The following KLRG2 variants were observed in gnomAD, a reference collection of about 807,000 sequenced individuals.
KLRG2 encodes killer cell lectin-like receptor subfamily G member 2.
Under a neutral mutation model 35.4 loss-of-function variants are expected in KLRG2, and 39 were observed. The ratio of observed to expected loss-of-function variants is 1.10; its 90% CI spans 0.85 to 1.44. The LOEUF (loss-of-function observed/expected upper bound fraction) is 1.44. KLRG2 is among the 40% of genes most tolerant of loss of function. KLRG2 has a pLI of 0.00. For synonymous variants in KLRG2, 283 were observed against 265.8 expected, an observed-to-expected ratio of 1.06 and a Z score of -0.63; for missense variants, 632 against 570.9, an observed-to-expected ratio of 1.11 and a Z score of -1.09.
rs531366438 is a variant in KLRG2, at chr7:139,464,638, C to T, written c.1006-10424G>A. Reference sequence around the variant, plus strand: ...CTAGCTCTCCCTAACTCATCCCAACCTTTTTCATTATACACAGCCAAAGTG... The same window carrying T: ...CTAGCTCTCCCTAACTCATCCCAACTTTTTTCATTATACACAGCCAAAGTG... On this transcript the variant is annotated intron_variant, in intron 3 of 4. Coordinates refer to ENST00000340940, the MANE Select transcript of KLRG2 (RefSeq NM_198508.4). 1.8e-4 allele frequency among the ~76,000 whole-genome samples: 27 copies of T among 152,310 alleles called. No individual in the cohort carries two copies. In the South Asian group the frequency reaches 5.6e-3, roughly 32 times the overall value.
chr7:139,441,529 T>C, the KLRG2 span, among the ~76,000 whole-genome samples: 3,440 of 152,094 alleles, frequency 0.023, 125 homozygotes, highest in African/African-American at 0.079. Context: ...TAAAAGTTGA[T>C]GGGTGCAACA....
chr7:139,454,202 T>A lies in KLRG2; in HGVS notation c.1018A>T (p.Arg340Ter). The A allele has an allele frequency of 4.6e-6, 7 of 1,530,664 alleles. No individual in the cohort carries two copies. Among genetic ancestry groups the A allele is most frequent in the Non-Finnish European group, 5.3e-6 (6 of 1,129,390 alleles). The allele number at this position is 1,530,664 out of a possible 1,614,324, so 94.8% of individuals were successfully genotyped here. A position where few individuals can be genotyped will look rare whatever the true frequency, so the allele number is the denominator to read the frequency against. ...LLSHTQDFLG[R>*]YPVSRHSWVG... ...CAGGAGTGCCTGGAGACTGGGTATCTGCCCAGGAAGTCCTGAGGGAGAAAA... is the reference window on the plus strand; with the variant it reads ...CAGGAGTGCCTGGAGACTGGGTATCAGCCCAGGAAGTCCTGAGGGAGAAAA... Residue 340 changes from arginine (R) to a stop codon, truncating the protein, a stop_gained, in exon 4 of 5, where the codon AGA becomes TGA. Transcript: ENST00000340940. LOFTEE classifies it high-confidence loss of function.
At chr7:139,475,568 G>C (rs1449299944) in intron 3 of KLRG2, among the ~76,000 whole-genome samples, 2 of 151,776 alleles carry the variant, frequency 1.3e-5, no homozygotes, top group East Asian at 1.9e-4. Flanking sequence ...TGCTGGGGGG[G>C]TGGCGGCACA....
At chr7:139,482,326 T>C (rs1381297591) in intron 1 of KLRG2, among the ~76,000 whole-genome samples, 1 of 152,168 alleles carries the variant, frequency 6.6e-6, no homozygotes, top group Non-Finnish European at 1.5e-5. Flanking sequence ...TCAAAGGTGC[T>C]GCGCATGCTA....
At chr7:139,471,769 G>A (rs1796760767) in intron 3 of KLRG2, among the ~76,000 whole-genome samples, 1 of 152,232 alleles carries the variant, frequency 6.6e-6, no homozygotes, top group Admixed American at 6.5e-5. Context: ...GGCACTGCAG[G>A]CAGCTGGCAG....
chr7:139,447,403 T>G, the KLRG2 span, among the ~76,000 whole-genome samples: 2 of 66,696 alleles, frequency 3.0e-5, no homozygotes. Flanking sequence ...TGGGTCATTC[T>G]TTTTTTTTTT....
intron 3 of KLRG2, among the ~76,000 whole-genome samples, chr7:139,475,333 C>T (rs1256614964): frequency 6.6e-6 from 1 of 152,050 alleles, no homozygotes; most frequent in Non-Finnish European, 1.5e-5. Context: ...AGATCGAGAC[C>T]ATCCTGGCTA....
downstream of KLRG2, among the ~76,000 whole-genome samples, chr7:139,449,105 CA>C (rs538184692): frequency 6.8e-4 from 89 of 130,290 alleles, no homozygotes; most frequent in Admixed American, 7.8e-4. Flanking sequence ...CACTCCGTCT[CA>C]AAAAAAAAAA....
the KLRG2 span, among the ~76,000 whole-genome samples, chr7:139,447,202 T>C: frequency 6.6e-6 from 1 of 152,190 alleles, no homozygotes; most frequent in Non-Finnish European, 1.5e-5. Context: ...TAAATAGTCA[T>C]GTGTCGCTTA....
At chr7:139,473,626 A>G (rs1006777939) in intron 3 of KLRG2, among the ~76,000 whole-genome samples, 2 of 152,232 alleles carry the variant, frequency 1.3e-5, no homozygotes, top group Non-Finnish European at 2.9e-5. Flanking sequence ...ATCAGAGCTA[A>G]TGCAGGGAGC....
At chr7:139,465,285 C>T (rs1352254922) in intron 3 of KLRG2, among the ~76,000 whole-genome samples, 1 of 152,188 alleles carries the variant, frequency 6.6e-6, no homozygotes, top group Non-Finnish European at 1.5e-5. Context: ...CCTTCCATAT[C>T]CTGCACCACC....
In KLRG2 at chr7:139,480,195, C is replaced by G. The variant is rs770375516; in HGVS notation, c.810G>C (p.Val270=). The G allele has an allele frequency of 6.2e-7, 1 of 1,613,848 alleles. No individual in the cohort carries two copies. The highest frequency in any genetic ancestry group is 8.5e-7 in the Non-Finnish European group (1 of 1,179,860). ...SLYWALAFMA[V]LLAVSGVVIV... is the part of the protein sequence containing the mutation. ...TGACAACCCCAGAGACTGCCAGGAG[C>G]ACAGCCATGAACGCCAGGGCCCAGT... Residue 270 remains valine, a synonymous_variant, in exon 2 of 5, where the codon GTG becomes GTC. Transcript: ENST00000340940.
At chr7:139,478,850 C>T (rs548325239) in intron 3 of KLRG2, among the ~76,000 whole-genome samples, 140 of 152,208 alleles carry the variant, frequency 9.2e-4, no homozygotes, top group African/African-American at 3.3e-3. Context: ...CAAACCAAGC[C>T]CTGGCAATCT....
intron 3 of KLRG2, among the ~76,000 whole-genome samples, chr7:139,458,302 C>T (rs1031933864): frequency 2.0e-5 from 3 of 151,774 alleles, no homozygotes; most frequent in African/African-American, 7.3e-5. Flanking sequence ...GGCTTGACCC[C>T]GGGAGGTCGA....
intron 3 of KLRG2, among the ~76,000 whole-genome samples, chr7:139,469,193 G>A (rs1217396733): frequency 6.6e-6 from 1 of 152,148 alleles, no homozygotes; most frequent in African/African-American, 2.4e-5. Context: ...ATAGGGTCTC[G>A]CTGTCACCCA....
At chr7:139,471,783 A>G (rs1029786779) in intron 3 of KLRG2, among the ~76,000 whole-genome samples, 8 of 152,242 alleles carry the variant, frequency 5.3e-5, no homozygotes, top group Non-Finnish European at 1.0e-4. Flanking sequence ...CTGGCAGGAC[A>G]GGCCCAGTGG....
the KLRG2 span, among the ~76,000 whole-genome samples, chr7:139,438,920 TC>T: frequency 0.13 from 8,121 of 62,888 alleles, 288 homozygotes; most frequent in African/African-American, 0.28. Flanking sequence ...GATGATCCCC[TC>T]CCCCCCCCCA....
chr7:139,452,750 C>G lies in KLRG2; in HGVS notation c.*837G>C, dbSNP rs1198769085. The G allele has an allele frequency of 2.6e-5, 4 of 152,294 alleles. No individual in the cohort carries two copies. Among genetic ancestry groups the G allele is most frequent in the African/African-American group, 9.6e-5 (4 of 41,462 alleles). 9.4% of individuals were successfully genotyped at this position (152,294 alleles called of 1,614,324 possible). A position where few individuals can be genotyped will look rare whatever the true frequency, so the allele number is the denominator to read the frequency against. ...CCTGAAGGTCTTCACTGCACCCCAGCATGGAGACATCTTCAGGTTGGTCGT... is the reference window on the plus strand; with the variant it reads ...CCTGAAGGTCTTCACTGCACCCCAGGATGGAGACATCTTCAGGTTGGTCGT... On this transcript the variant is annotated 3_prime_UTR_variant, in exon 5 of 5. Coordinates refer to ENST00000340940, the MANE Select transcript of KLRG2 (RefSeq NM_198508.4).
In KLRG2 at chr7:139,479,128, G is replaced by A. The variant is rs192592930; in HGVS notation, c.1005+499C>T. Among the ~76,000 whole-genome samples the A allele has an allele frequency of 4.1e-4, 63 of 152,184 alleles. No homozygotes were observed. The East Asian group carries it at 0.011, about 26-fold the overall frequency. ...GACGGAGCCTTGCTCTGTTGCCCAG[G>A]CTGGAGTGCAGTGGAGTGATCTCGG... On this transcript the variant is annotated intron_variant, in intron 3 of 4. Transcript: ENST00000340940.
Sources: gnomAD v4.1 joint callset for allele counts (sites outside exome capture counted in the v4.1 genomes callset) on GRCh38, gnomAD v4.1.1 for gene constraint, MANE v1.5 for transcripts, NCBI Gene and HGNC (gene_info 2026-07-23, HGNC 2026-07-21) for gene names.